The following KAZN variants were observed in gnomAD, a reference collection of about 807,000 sequenced individuals.
KAZN encodes kazrin, periplakin interacting protein.
KAZN carries 40 observed loss-of-function variants against 87.4 expected under a neutral mutation model. The ratio of observed to expected loss-of-function variants is 0.46; its 90% CI spans 0.36 to 0.60. The LOEUF (loss-of-function observed/expected upper bound fraction) is 0.60. KAZN is among the 20% of genes least tolerant of loss of function. The pLI is 0.00. For synonymous variants in KAZN, 466 were observed against 458.3 expected, an observed-to-expected ratio of 1.02 and a Z score of -0.22; for missense variants, 898 against 1,073.9, an observed-to-expected ratio of 0.84 and a Z score of 2.29.
rs150353221 is a variant in KAZN, at chr1:14,508,039, G to A, written c.250-90944G>A. Among the ~76,000 whole-genome samples the A allele has an allele frequency of 2.0e-3, 291 of 147,964 alleles. 1 individual carries two copies. Among genetic ancestry groups the A allele is most frequent in the Middle Eastern group, 3.5e-3 (1 of 282 alleles). On this transcript the variant is annotated intron_variant, in intron 2 of 16. Transcript: ENST00000636203. Reference sequence around the variant, plus strand: ...GCAAAATCTTCCCAAGACTCTCTCAGATGGACCCAATTCTTGTGACCCCCC... The same window carrying A: ...GCAAAATCTTCCCAAGACTCTCTCAAATGGACCCAATTCTTGTGACCCCCC...
chr1:14,175,585 T>G (rs922008197), intron 1 of KAZN, among the ~76,000 whole-genome samples: 5 of 152,218 alleles, frequency 3.3e-5, no homozygotes, highest in African/African-American at 1.2e-4. Flanking sequence ...TAGAACGAGT[T>G]GTACTGTGTG....
rs1357226054 is a variant in KAZN, at chr1:14,422,260, C to T, written c.250-176723C>T. Among the ~76,000 whole-genome samples the T allele has an allele frequency of 2.6e-5, 4 of 152,276 alleles. No individual in the cohort carries two copies. The East Asian group carries it at 5.8e-4, about 22-fold the overall frequency. ...ATCTGAGTGTGCTTCAGAGAACATC[C>T]GTGGGCTTCCGTGTTTACTCAGCTA... On this transcript the variant is annotated intron_variant, in intron 2 of 16. Coordinates refer to the KAZN transcript ENST00000636203.
chr1:14,363,923 A>AT (rs1393385265), intron 2 of KAZN, among the ~76,000 whole-genome samples: 5 of 151,132 alleles, frequency 3.3e-5, no homozygotes, highest in Non-Finnish European at 1.5e-5. Flanking sequence ...GTGTGTATGT[A>AT]TTTTTTGGTA....
At chr1:14,668,402 G>A (rs1357296802) in intron 1 of KAZN, among the ~76,000 whole-genome samples, 2 of 152,012 alleles carry the variant, frequency 1.3e-5, no homozygotes, top group African/African-American at 2.4e-5. Flanking sequence ...ATTTGGGCCC[G>A]TATCTCAGAT....
intron 1 of KAZN, among the ~76,000 whole-genome samples, chr1:14,867,156 G>T (rs1447980918): frequency 6.6e-6 from 1 of 152,208 alleles, no homozygotes; most frequent in East Asian, 1.9e-4. Context: ...CCCTCCCTGT[G>T]CAGGGGAGCA....
intron 2 of KAZN, among the ~76,000 whole-genome samples, chr1:14,191,580 C>T (rs903102359): frequency 6.6e-6 from 1 of 152,108 alleles, no homozygotes; most frequent in African/African-American, 2.4e-5. Flanking sequence ...AGGAACACGT[C>T]TGGGAGTCAT....
chr1:14,892,870 A>C lies in KAZN; in HGVS notation c.227-67814A>C, dbSNP rs74996783. ...CACACAAAAGCTTCCAGAAGAAAGGAAAAAAGGAATGGACAGAGGAAGGAC... is the reference window on the plus strand; with the variant it reads ...CACACAAAAGCTTCCAGAAGAAAGGCAAAAAGGAATGGACAGAGGAAGGAC... On this transcript the variant is annotated intron_variant, in intron 1 of 14. Transcript: ENST00000376030. Among the ~76,000 whole-genome samples the C allele has an allele frequency of 4.0e-3, 606 of 152,296 alleles. 19 individuals are homozygous for C. The South Asian group carries it at 0.052, about 13-fold the overall frequency.
chr1:14,495,976 CT>C (rs1304216187), intron 2 of KAZN, among the ~76,000 whole-genome samples: 1 of 152,000 alleles, frequency 6.6e-6, no homozygotes. Flanking sequence ...CTTTTTCTTT[CT>C]TTTCTTAATA....
At chr1:14,907,866 C>T (rs557834953) in intron 1 of KAZN, among the ~76,000 whole-genome samples, 1 of 152,144 alleles carries the variant, frequency 6.6e-6, no homozygotes, top group Admixed American at 6.5e-5. Flanking sequence ...TCCTCCAACC[C>T]TTCTCTCCCC....
intron 1 of KAZN, among the ~76,000 whole-genome samples, chr1:14,030,633 GATAC>G (rs1641283086): frequency 1.1e-5 from 1 of 91,242 alleles, no homozygotes; most frequent in Admixed American, 1.3e-4. Context: ...AATGTACACA[GATAC>G]ACACACACAC....
chr1:14,774,468 A>T (rs1197877912), intron 1 of KAZN, among the ~76,000 whole-genome samples: 10 of 131,286 alleles, frequency 7.6e-5, no homozygotes, highest in African/African-American at 2.9e-4. Flanking sequence ...TCTTGAACAG[A>T]TTTTTTTTTT....
At chr1:14,936,197 C>T (rs1297766476) in intron 1 of KAZN, among the ~76,000 whole-genome samples, 2 of 152,204 alleles carry the variant, frequency 1.3e-5, no homozygotes, top group Non-Finnish European at 2.9e-5. Flanking sequence ...GACCTGTGTC[C>T]CTGTTTGGTG....
chr1:15,035,646 G>T (rs566578110), intron 3 of KAZN, among the ~76,000 whole-genome samples: 47 of 152,214 alleles, frequency 3.1e-4, no homozygotes, highest in Non-Finnish European at 5.9e-4. Context: ...ACAAGAATTC[G>T]AGACCAGCCT....
intron 2 of KAZN, among the ~76,000 whole-genome samples, chr1:14,525,576 G>A (rs1480267050): frequency 2.6e-5 from 4 of 151,382 alleles, no homozygotes; most frequent in Admixed American, 1.3e-4. Context: ...ATTTAAAAAT[G>A]CAAACACTAT....
intron 2 of KAZN, among the ~76,000 whole-genome samples, chr1:14,525,046 G>A (rs1391278870): frequency 6.6e-6 from 1 of 152,230 alleles, no homozygotes; most frequent in African/African-American, 2.4e-5. Context: ...ATGGATTTTG[G>A]ATAGCAGCTC....
chr1:14,060,885 C>A (rs1243611031), intron 1 of KAZN, among the ~76,000 whole-genome samples: 1 of 152,292 alleles, frequency 6.6e-6, no homozygotes, highest in East Asian at 1.9e-4. Context: ...TTACCCAAAT[C>A]CTTGCCAGAT....
Position 14,582,434 on chromosome 1 carries a change from G to A in KAZN, c.250-16549G>A, listed in dbSNP as rs149023140. Among the ~76,000 whole-genome samples, 840 of 152,258 alleles carry A rather than the reference G, an allele frequency of 5.5e-3. 5 individuals are homozygous for A. Among genetic ancestry groups the A allele is most frequent in the African/African-American group, 0.019 (784 of 41,558 alleles). On this transcript the variant is annotated intron_variant, in intron 2 of 16. Transcript: ENST00000636203. Reference sequence around the variant, plus strand: ...CTGAACTGGGAGACTTTTAGAGACCGACTCTTCAGCTTGAAAACCTGGGAA... The same window carrying A: ...CTGAACTGGGAGACTTTTAGAGACCAACTCTTCAGCTTGAAAACCTGGGAA...
intron 2 of KAZN, among the ~76,000 whole-genome samples, chr1:14,384,416 A>G (rs907103855): frequency 2.6e-5 from 4 of 152,052 alleles, no homozygotes; most frequent in Non-Finnish European, 4.4e-5. Flanking sequence ...GAATGCTTCC[A>G]GTTTTTGCCC....
At chr1:15,078,773 C>A (rs369593976) in intron 8 of KAZN, among the ~76,000 whole-genome samples, 3 of 152,158 alleles carry the variant, frequency 2.0e-5, no homozygotes, top group African/African-American at 7.2e-5. Flanking sequence ...CCAGTTAGAA[C>A]GTTTCATGAG....
Sources: allele counts gnomAD v4.1 joint callset (sites outside exome capture counted in the v4.1 genomes callset), GRCh38; gene constraint gnomAD v4.1.1; transcripts MANE v1.5; gene names NCBI Gene and HGNC (gene_info 2026-07-23, HGNC 2026-07-21).